CC2D2A: variants seen among roughly 807,000 people sequenced by gnomAD.
CC2D2A encodes the protein coiled-coil and C2 domain containing 2A.
CC2D2A carries 155 observed loss-of-function variants against 212.9 expected under a neutral mutation model. The observed-to-expected ratio is 0.73, with a 90% CI of 0.64 to 0.83. The LOEUF (loss-of-function observed/expected upper bound fraction) is 0.83, where lower values mean the gene tolerates loss of function less well. CC2D2A is among the 40% of genes least tolerant of loss of function. CC2D2A has a pLI of 0.00. For missense variants in CC2D2A, 1,856 were observed against 1,956.2 expected, an observed-to-expected ratio of 0.95 and a Z score of 0.97; for synonymous variants, 667 against 686.5, an observed-to-expected ratio of 0.97 and a Z score of 0.44.
intron 6 of CC2D2A, among the ~76,000 whole-genome samples, chr4:15,505,725 A>G (rs1716218770): frequency 6.6e-6 from 1 of 152,244 alleles, no homozygotes; most frequent in Admixed American, 6.5e-5. Context: ...AAATAGCTAC[A>G]TTGGACTTCA....
chr4:15,536,539 T>C (rs1718138629), intron 14 of CC2D2A, among the ~76,000 whole-genome samples: 1 of 152,188 alleles, frequency 6.6e-6, no homozygotes, highest in Admixed American at 6.5e-5. Context: ...CCTCAGAGAC[T>C]TGAAGAAGTC....
rs116213282 is a variant in CC2D2A, at chr4:15,551,403, C to T, written c.2338+423C>T. ...ATTCTCTCATCTCCTTCTATAATTC[C>T]GATTGGATATATGATGGATCTTCTC... is the stretch of plus-strand genomic sequence containing the variant. On this transcript the variant is annotated intron_variant, in intron 18 of 36. Coordinates refer to ENST00000424120, the MANE Select transcript of CC2D2A (RefSeq NM_001378615.1). Among the ~76,000 whole-genome samples the T allele has an allele frequency of 8.6e-3, 1,313 of 152,236 alleles. 11 individuals carry two copies. Among genetic ancestry groups the T allele is most frequent in the Non-Finnish European group, 0.013 (881 of 68,014 alleles).
At chr4:15,528,429 T>C (rs1717626398) in intron 12 of CC2D2A, among the ~76,000 whole-genome samples, 191 bp from the exon 13 acceptor site, 1 of 152,208 alleles carries the variant, frequency 6.6e-6, no homozygotes. Context: ...TCCAGTTTCT[T>C]CAAGAACAGA....
At chr4:15,527,264 G>A (rs1265264037) in intron 11 of CC2D2A, among the ~76,000 whole-genome samples, 183 bp from the exon 12 acceptor site, 1 of 152,146 alleles carries the variant, frequency 6.6e-6, no homozygotes, top group African/African-American at 2.4e-5. Flanking sequence ...TCATTTTGCT[G>A]TTCAAATATT....
At chr4:15,531,473 T>A (rs943435799) in intron 13 of CC2D2A, among the ~76,000 whole-genome samples, 2 of 152,230 alleles carry the variant, frequency 1.3e-5, no homozygotes, top group Non-Finnish European at 2.9e-5. Flanking sequence ...CCCCCTTTTT[T>A]AAATTGCATT....
rs1309999548 is a variant in CC2D2A, at chr4:15,503,023, T to C, written c.438+100T>C. The C allele has an allele frequency of 6.3e-6, 5 of 797,784 alleles. No homozygotes were observed. In the African/African-American group the frequency reaches 9.1e-5, roughly 15 times the overall value. 49.4% of individuals were successfully genotyped at this position (797,784 alleles called of 1,614,324 possible). ...AGCAGAGCTATGCACAGAGGAGGTA[T>C]TAAATGCTTATTAATAATTATAATA... On this transcript the variant is annotated intron_variant, in intron 6 of 36. Coordinates refer to ENST00000424120, the MANE Select transcript of CC2D2A (RefSeq NM_001378615.1).
intron 1 of CC2D2A, 124 bp from the exon 2 acceptor site, chr4:15,475,791 T>C: frequency 1.3e-6 from 1 of 762,112 alleles, no homozygotes; most frequent in East Asian, 2.8e-5. Flanking sequence ...TCCTGGTGAG[T>C]GGAAAGTCTA....
Position 15,580,033 on chromosome 4 carries a change from A to C in CC2D2A, c.3837A>C (p.Leu1279Phe), listed in dbSNP as rs1560192604. 1.5e-5 allele frequency: 25 copies of C among 1,614,008 alleles called. No homozygotes were observed. Among genetic ancestry groups the C allele is most frequent in the Non-Finnish European group, 2.1e-5 (25 of 1,179,880 alleles). ...AGAAGTTTCAAGCTGAATGTGCCTTAAAGTTTCCAAATCGTCAGTGCCTTA... is the reference window on the plus strand; with the variant it reads ...AGAAGTTTCAAGCTGAATGTGCCTTCAAGTTTCCAAATCGTCAGTGCCTTA... ...ATEKFQAECA[L>F]KFPNRQCLTT... The change falls in exon 30 of 37, where the codon TTA (leucine) becomes TTC (phenylalanine). Residue 1279 changes from leucine to phenylalanine, a missense_variant. Physicochemically the swap from Leu to Phe is conservative, Grantham distance 22. Around this residue, in one of 5 missense-constraint regions of CC2D2A, gnomAD observed 1,512 missense variants for 1,579.3 expected, o/e 0.96. Coordinates refer to ENST00000424120, the MANE Select transcript of CC2D2A (RefSeq NM_001378615.1).
At chr4:15,470,694 T>TATA (rs1713735953) in intron 1 of CC2D2A, among the ~76,000 whole-genome samples, 2 of 27,944 alleles carry the variant, frequency 7.2e-5, no homozygotes, top group African/African-American at 4.3e-4. Flanking sequence ...TCTCTCTATA[T>TATA]ATATATATAT....
At chr4:15,498,156 C>G (rs992246756) in intron 4 of CC2D2A, among the ~76,000 whole-genome samples, 11 of 152,236 alleles carry the variant, frequency 7.2e-5, no homozygotes, top group Admixed American at 4.6e-4. Context: ...AAACACAAGG[C>G]TCATGTAGCC....
chr4:15,570,495 G>C lies in CC2D2A; in HGVS notation c.3593G>C (p.Arg1198Thr). ...TTTAGCACAATATATTTCCAAGCAA[G>C]GGTAAGTATCTAAAGTTAGAGGTCC... The part of the protein sequence containing the change: ...MPFSTIYFQA[R>T]IDGTFKIDIP... Residue 1198 changes from arginine (R) to threonine (T), a missense_variant and splice_region_variant, in exon 28 of 37, where the codon AGG becomes ACG. By Grantham distance (71) the Arg-to-Thr change is moderately conservative. Coordinates refer to ENST00000424120, the MANE Select transcript of CC2D2A (RefSeq NM_001378615.1). 1.3e-6 allele frequency: 2 copies of C among 1,588,084 alleles called. No homozygotes were observed. Among genetic ancestry groups the C allele is most frequent in the Non-Finnish European group, 1.7e-6 (2 of 1,160,942 alleles).
intron 14 of CC2D2A, among the ~76,000 whole-genome samples, 178 bp from the exon 15 acceptor site, chr4:15,536,742 T>A (rs927454998): frequency 1.2e-4 from 19 of 152,236 alleles, no homozygotes; most frequent in African/African-American, 4.6e-4. Context: ...GCCTCTGTCA[T>A]CTCATGTATA....
intron 2 of CC2D2A, among the ~76,000 whole-genome samples, chr4:15,478,349 C>G (rs1245624448): frequency 6.6e-6 from 1 of 152,188 alleles, no homozygotes; most frequent in South Asian, 2.1e-4. Flanking sequence ...CTAGCAGATT[C>G]ACTTGTTAGT....
chr4:15,592,776 C>T (rs1023052700), intron 33 of CC2D2A, among the ~76,000 whole-genome samples: 1 of 152,132 alleles, frequency 6.6e-6, no homozygotes, highest in Non-Finnish European at 1.5e-5. Context: ...GCCCCAGAAC[C>T]TTTGTCTTGA....
chr4:15,599,847 GATC>G (rs1721503577), intron 36 of CC2D2A, 141 bp downstream of exon 36: 2 of 524,382 alleles, frequency 3.8e-6, no homozygotes, highest in Non-Finnish European at 6.3e-6. Flanking sequence ...TAAAAACTGT[GATC>G]ATAAGTTTTA....
chr4:15,599,672 G>A lies in CC2D2A; in HGVS notation c.4640G>A (p.Arg1547Lys), dbSNP rs760048536. The A allele has an allele frequency of 5.6e-6, 9 of 1,612,888 alleles. No individual in the cohort carries two copies. In the East Asian group the frequency reaches 1.8e-4, roughly 32 times the overall value. The part of the protein sequence containing the change: ...SQGEDVEDDH[R>K]AELLKQLGDY... ...GGAGAAGATGTAGAAGATGACCACA[G>A]AGCAGAACTGCTAAAACAGCTGGGA... is the stretch of plus-strand genomic sequence containing the variant. The change falls in exon 36 of 37, where the codon AGA becomes AAA. Residue 1547 changes from arginine to lysine, a missense_variant. This residue lies in a region of CC2D2A where 285 missense variants were observed against 278.4 expected (regional missense o/e 1.02). Transcript: ENST00000424120.
intron 36 of CC2D2A, among the ~76,000 whole-genome samples, chr4:15,600,837 G>A (rs1409962033): frequency 2.0e-5 from 3 of 150,562 alleles, no homozygotes; most frequent in Non-Finnish European, 2.9e-5. Flanking sequence ...GCAGGAGGCC[G>A]AGGCTGCAGT....
intron 6 of CC2D2A, among the ~76,000 whole-genome samples, chr4:15,506,069 A>AAT (rs1310005734): frequency 6.6e-6 from 1 of 152,206 alleles, no homozygotes; most frequent in Non-Finnish European, 1.5e-5. Context: ...GGTGAGAAAG[A>AAT]ATTTCTAGAT....
intron 30 of CC2D2A, 125 bp downstream of exon 30, chr4:15,580,296 A>T: frequency 1.3e-6 from 1 of 745,264 alleles, no homozygotes; most frequent in Non-Finnish European, 2.2e-6. Flanking sequence ...TTAATGACAA[A>T]AGTAATGATT....
Sources: allele counts gnomAD v4.1 joint callset (sites outside exome capture counted in the v4.1 genomes callset), GRCh38; gene constraint gnomAD v4.1.1; regional missense constraint gnomAD v4.1.1; transcripts MANE v1.5; gene names NCBI Gene and HGNC (gene_info 2026-07-23, HGNC 2026-07-21).